CALCR: variants seen among roughly 807,000 people sequenced by gnomAD.
CALCR encodes the protein calcitonin receptor.
Under a neutral mutation model 59.5 loss-of-function variants are expected in CALCR, and 47 were observed. The observed-to-expected ratio is 0.79, with a 90% CI of 0.63 to 1.01. The LOEUF is 1.01. Ranked by LOEUF, CALCR falls within the 50% of genes least tolerant of loss-of-function variation. The pLI, the probability that CALCR is intolerant of heterozygous loss-of-function variation, is 0.00. For missense variants in CALCR, 566 were observed against 597.1 expected, an observed-to-expected ratio of 0.95 and a Z score of 0.54; for synonymous variants, 213 against 211.3, an observed-to-expected ratio of 1.01 and a Z score of -0.07.
intron 2 of CALCR, among the ~76,000 whole-genome samples, chr7:93,499,522 T>G (rs1194767215): frequency 6.6e-6 from 1 of 151,838 alleles, no homozygotes; most frequent in Non-Finnish European, 1.5e-5. Flanking sequence ...TTGACTTCCA[T>G]TGATTTCCTG....
chr7:93,435,724 T>G (rs546205519), intron 12 of CALCR, among the ~76,000 whole-genome samples: 101 of 151,798 alleles, frequency 6.7e-4, no homozygotes, highest in African/African-American at 2.1e-3. Flanking sequence ...GAGAATTGCT[T>G]GAGCCCGGGA....
intron 3 of CALCR, among the ~76,000 whole-genome samples, chr7:93,480,519 A>T (rs1800772778): frequency 6.6e-6 from 1 of 151,852 alleles, no homozygotes; most frequent in African/African-American, 2.4e-5. Flanking sequence ...AATTGTATTG[A>T]TGGCAGAAGT....
chr7:93,433,675 A>G (rs1278315054), intron 13 of CALCR, among the ~76,000 whole-genome samples: 5 of 152,190 alleles, frequency 3.3e-5, no homozygotes, highest in Non-Finnish European at 2.9e-5. Flanking sequence ...CCCAGGCAAG[A>G]TTTGGTTGGA....
chr7:93,556,716 A>T (rs530237508), intron 2 of CALCR, among the ~76,000 whole-genome samples: 4 of 151,980 alleles, frequency 2.6e-5, no homozygotes, highest in African/African-American at 9.7e-5. Context: ...ATATATGATG[A>T]CCATATTTTC....
Position 93,572,190 on chromosome 7 carries a change from T to G in CALCR, c.-27+2099A>C, listed in dbSNP as rs575758886. On this transcript the variant is annotated intron_variant, in intron 2 of 13. Transcript: ENST00000426151. ...TTCTTCTAATTGTAAGATCAAGTTA[T>G]ACATATATATGTATGTTTATACATA... Among the ~76,000 whole-genome samples the G allele has an allele frequency of 3.3e-5, 5 of 152,276 alleles. No individual in the cohort carries two copies. In the South Asian group the frequency reaches 1.0e-3, roughly 32 times the overall value.
chr7:93,531,452 C>T (rs565853819), intron 2 of CALCR, among the ~76,000 whole-genome samples: 3 of 152,228 alleles, frequency 2.0e-5, no homozygotes, highest in African/African-American at 7.2e-5. Flanking sequence ...TTCCATCACA[C>T]ATTAACTTTA....
In CALCR at chr7:93,514,779, C is replaced by A. The variant is rs139333071; in HGVS notation, c.-26-27772G>T. 2.7e-3 allele frequency among the ~76,000 whole-genome samples: 417 copies of A among 151,942 alleles called. 4 individuals are homozygous for A. Among genetic ancestry groups the A allele is most frequent in the African/African-American group, 9.0e-3 (374 of 41,446 alleles). ...TTTTCTCTTTCTGTAAGAATGCAAC[C>A]AATTGACGAATAGATAATCCTAAAA... On this transcript the variant is annotated intron_variant, in intron 2 of 13. Coordinates refer to ENST00000426151, the MANE Select transcript of CALCR (RefSeq NM_001742.4).
rs985006041 is a variant in CALCR at position 93,486,962 on chromosome 7, C to T, written c.20G>A (p.Ser7Asn). 2 of 1,600,526 alleles carry T rather than the reference C, an allele frequency of 1.2e-6. No homozygotes were observed. The highest frequency in any genetic ancestry group is 1.7e-6 in the Non-Finnish European group (2 of 1,170,630). Residue 7 changes from serine (S) to asparagine (N), a missense_variant, in exon 3 of 14, where the codon AGC (serine) becomes AAC (asparagine). By Grantham distance (46) the Ser-to-Asn change is conservative (BLOSUM62 1). Transcript: ENST00000426151. The stretch of plus-strand genomic sequence containing the variant: ...AAGAAGAAACAGTGCCAAGCACCGG[C>T]TTGTAAATGTGAACCTCATTTTTGA... The part of the protein sequence containing the change: MRFTFT[S>N]RCLALFLLLN...
intron 5 of CALCR, among the ~76,000 whole-genome samples, chr7:93,477,123 G>A (rs1800682432): frequency 6.6e-6 from 1 of 151,826 alleles, no homozygotes; most frequent in South Asian, 2.1e-4. Flanking sequence ...TGTAGGCTCA[G>A]GCTCACTTTA....
intron 7 of CALCR, among the ~76,000 whole-genome samples, chr7:93,463,607 GACAA>G (rs1039216932): frequency 3.9e-5 from 6 of 152,016 alleles, no homozygotes; most frequent in African/African-American, 1.4e-4. Context: ...TATAACAGAG[GACAA>G]ACAGGCGCTC....
intron 2 of CALCR, among the ~76,000 whole-genome samples, chr7:93,547,338 G>A (rs1223113184): frequency 6.6e-6 from 1 of 152,118 alleles, no homozygotes; most frequent in Non-Finnish European, 1.5e-5. Flanking sequence ...AACTTTGGGG[G>A]ATATATAAAC....
intron 2 of CALCR, among the ~76,000 whole-genome samples, chr7:93,493,638 A>G (rs1470109341): frequency 6.6e-6 from 1 of 151,372 alleles, no homozygotes; most frequent in Non-Finnish European, 1.5e-5. Flanking sequence ...AATTCCCTAC[A>G]AACTTTAAGT....
intron 3 of CALCR, among the ~76,000 whole-genome samples, chr7:93,481,059 C>T (rs2299254): frequency 0.4 from 61,045 of 151,634 alleles, 12,997 homozygotes; most frequent in South Asian, 0.49. Context: ...AGATCTGTTT[C>T]CTCAACCTAG....
At chr7:93,515,707 T>C (rs948241737) in intron 2 of CALCR, among the ~76,000 whole-genome samples, 1 of 152,142 alleles carries the variant, frequency 6.6e-6, no homozygotes, top group East Asian at 1.9e-4. Context: ...CAAAGCTGTC[T>C]GTCCTTTCTT....
chr7:93,536,209 T>C (rs535888419), intron 2 of CALCR, among the ~76,000 whole-genome samples: 1 of 151,882 alleles, frequency 6.6e-6, no homozygotes, highest in East Asian at 1.9e-4. Flanking sequence ...TAAATCCTGA[T>C]AGCTGTTTTC....
At position 93,425,361 on chromosome 7, in the gene CALCR, C is replaced by T. The variant is rs1441467976; in HGVS notation, c.*995G>A. 2.0e-5 allele frequency: 3 copies of T among 152,560 alleles called. No individual in the cohort carries two copies. The highest frequency in any genetic ancestry group is 4.4e-5 in the Non-Finnish European group (3 of 68,024). The allele number at this position is 152,560 out of a possible 1,614,324, so 9.5% of individuals were successfully genotyped here. A position where few individuals can be genotyped will look rare whatever the true frequency, so the allele number is the denominator to read the frequency against. On this transcript the variant is annotated 3_prime_UTR_variant, in exon 14 of 14. Coordinates refer to ENST00000426151, the MANE Select transcript of CALCR (RefSeq NM_001742.4). The stretch of plus-strand genomic sequence containing the variant: ...TTAAGCTTTGAAGCTGGGTGGAAAG[C>T]AGTTAATGGACTTATGTGGAGTCTT...
Position 93,443,719 on chromosome 7 carries a change from C to G in CALCR, c.687G>C (p.Met229Ile). ...GCATCCAGAAATAGTTGCAGGCCAT[C>G]ATGTACTGGTGGAAAAAATGCAAAA... ...CKILHFFHQY[M>I]MACNYFWMLC... Residue 229 changes from methionine to isoleucine, a missense_variant, in exon 9 of 14, where the codon ATG becomes ATC. Transcript: ENST00000426151. 1 of 1,613,234 alleles carries G rather than the reference C, an allele frequency of 6.2e-7. No individual in the cohort carries two copies. The highest frequency in any genetic ancestry group is 8.5e-7 in the Non-Finnish European group (1 of 1,179,350).
At chr7:93,483,802 C>T (rs954419829) in intron 3 of CALCR, 8 of 290,704 alleles carry the variant, frequency 2.8e-5, no homozygotes, top group Admixed American at 2.0e-4. Context: ...TATATGTTCA[C>T]ATTCAGATAG....
chr7:93,510,525 A>G (rs1801523002), intron 2 of CALCR, among the ~76,000 whole-genome samples: 1 of 152,104 alleles, frequency 6.6e-6, no homozygotes, highest in African/African-American at 2.4e-5. Context: ...TTGCACATGT[A>G]TATCCCCCAA....
Sources: gnomAD v4.1 joint callset for allele counts (sites outside exome capture counted in the v4.1 genomes callset) on GRCh38, gnomAD v4.1.1 for gene constraint, MANE v1.5 for transcripts, NCBI Gene and HGNC (gene_info 2026-07-23, HGNC 2026-07-21) for gene names.